Variants in MYRIP observed in about 807,000 individuals in gnomAD.
MYRIP encodes rab effector MyRIP.
MYRIP carries 49 observed loss-of-function variants against 98.0 expected under a neutral mutation model. That is an observed-to-expected ratio of 0.50 (90% CI 0.40 to 0.63). The LOEUF (loss-of-function observed/expected upper bound fraction) is 0.63, where lower values mean the gene tolerates loss of function less well. Ranked by LOEUF, MYRIP falls within the 30% of genes least tolerant of loss-of-function variation. MYRIP has a pLI of 0.00. For synonymous variants in MYRIP, 404 were observed against 409.5 expected (o/e 0.99, Z 0.16); for missense variants, 1,004 against 1,058.2 (o/e 0.95, Z 0.71).
chr3:39,851,157 T>G (rs1026638488), intron 1 of MYRIP, among the ~76,000 whole-genome samples: 1 of 152,104 alleles, frequency 6.6e-6, no homozygotes, highest in Non-Finnish European at 1.5e-5. Context: ...GCCAGAAAAA[T>G]GAATCAAGAT....
chr3:39,846,845 C>G (rs77594060), intron 1 of MYRIP, among the ~76,000 whole-genome samples: 3,350 of 152,152 alleles, frequency 0.022, 110 homozygotes, highest in African/African-American at 0.076. Flanking sequence ...AGCTTGAGAC[C>G]CAGGAGAGCT....
intron 2 of MYRIP, among the ~76,000 whole-genome samples, chr3:39,961,199 T>C (rs1001953948): frequency 2.6e-5 from 4 of 152,046 alleles, no homozygotes; most frequent in Non-Finnish European, 4.4e-5. Flanking sequence ...ACACATGTTG[T>C]TTTTCAGGCA....
intron 3 of MYRIP, among the ~76,000 whole-genome samples, chr3:40,146,695 G>A (rs555025386): frequency 1.8e-4 from 28 of 152,242 alleles, no homozygotes; most frequent in African/African-American, 6.7e-4. Context: ...CTGTGTGCCT[G>A]CATGAATACA....
At chr3:40,078,197 G>A (rs565837850) in intron 3 of MYRIP, among the ~76,000 whole-genome samples, 3 of 152,346 alleles carry the variant, frequency 2.0e-5, no homozygotes, top group Non-Finnish European at 2.9e-5. Context: ...GCCCAGGGCC[G>A]GCAGGGCCAG....
At chr3:40,143,287 G>A (rs1402661160) in intron 3 of MYRIP, among the ~76,000 whole-genome samples, 1 of 152,202 alleles carries the variant, frequency 6.6e-6, no homozygotes, top group Non-Finnish European at 1.5e-5. Flanking sequence ...TCAGCAGGAT[G>A]CCGACACAAA....
At chr3:39,916,347 T>C (rs1944159289) in intron 2 of MYRIP, among the ~76,000 whole-genome samples, 1 of 151,856 alleles carries the variant, frequency 6.6e-6, no homozygotes, top group African/African-American at 2.4e-5. Context: ...TTATGGACAA[T>C]TTTATCTGAT....
At chr3:39,866,544 C>A (rs1026540311) in intron 1 of MYRIP, among the ~76,000 whole-genome samples, 1 of 151,976 alleles carries the variant, frequency 6.6e-6, no homozygotes, top group South Asian at 2.1e-4. Flanking sequence ...GATCTCAGCT[C>A]ACCGCAACCT....
chr3:39,892,644 G>A (rs1038690002), intron 1 of MYRIP, among the ~76,000 whole-genome samples: 104 of 152,116 alleles, frequency 6.8e-4, no homozygotes, highest in African/African-American at 2.4e-3. Flanking sequence ...TCTGAAAGTT[G>A]AATAATCAAA....
intron 3 of MYRIP, among the ~76,000 whole-genome samples, chr3:40,079,181 C>T (rs1948420746): frequency 1.3e-5 from 2 of 152,184 alleles, no homozygotes; most frequent in Admixed American, 1.3e-4. Context: ...GTTCGAAGAT[C>T]ACACGATTTA....
At chr3:40,201,395 G>T (rs1213604271) in intron 10 of MYRIP, among the ~76,000 whole-genome samples, 1 of 147,030 alleles carries the variant, frequency 6.8e-6, no homozygotes, top group Non-Finnish European at 1.5e-5. Context: ...ATGTGCTCCA[G>T]GTTAGATTCA....
intron 2 of MYRIP, among the ~76,000 whole-genome samples, chr3:39,924,233 AG>A (rs1944364797): frequency 6.6e-6 from 1 of 152,134 alleles, no homozygotes; most frequent in South Asian, 2.1e-4. Context: ...GCTATTTACA[AG>A]AAATTCACCT....
chr3:40,002,353 G>T (rs1946536761), intron 2 of MYRIP, among the ~76,000 whole-genome samples: 1 of 152,086 alleles, frequency 6.6e-6, no homozygotes, highest in Non-Finnish European at 1.5e-5. Flanking sequence ...TGGCCAACAT[G>T]GTGAAACCCC....
intron 1 of MYRIP, among the ~76,000 whole-genome samples, chr3:39,845,695 T>C (rs9872193): frequency 0.038 from 5,794 of 152,132 alleles, 213 homozygotes; most frequent in East Asian, 0.1. Flanking sequence ...TACTAGTAAT[T>C]GACTGGAGGT....
chr3:40,026,509 A>G (rs537040132), intron 2 of MYRIP, among the ~76,000 whole-genome samples: 1 of 152,346 alleles, frequency 6.6e-6, no homozygotes, highest in South Asian at 2.1e-4. Flanking sequence ...AACAGGATTA[A>G]GAAATTAAAG....
chr3:40,178,179 C>A (rs566234807), intron 8 of MYRIP, among the ~76,000 whole-genome samples: 1 of 152,122 alleles, frequency 6.6e-6, no homozygotes, highest in Non-Finnish European at 1.5e-5. Context: ...GCGGTTGGTG[C>A]CACAGGGAGC....
In MYRIP at chr3:40,251,898, T is replaced by C. The variant is rs750232179; in HGVS notation, c.2446T>C (p.Ser816Pro). 5.0e-6 allele frequency: 8 copies of C among 1,611,990 alleles called. No homozygotes were observed. In the African/African-American group the frequency reaches 5.3e-5, roughly 11 times the overall value. ...CCTTTTAGCTGAAAAAATTGAGACATCTTCAGTGACTACCATTAAAACATT... is the reference window on the plus strand; with the variant it reads ...CCTTTTAGCTGAAAAAATTGAGACACCTTCAGTGACTACCATTAAAACATT... ...PPVKAEKIET[S>P]SVTTIKTFNH... Residue 816 changes from serine to proline, a missense_variant, in exon 16 of 17, where the codon TCT (serine) becomes CCT (proline). Ser to Pro is a moderately conservative substitution (Grantham distance 74, BLOSUM62 -1). This residue lies in a region of MYRIP where 108 missense variants were observed against 111.1 expected (regional missense o/e 0.97). Coordinates refer to ENST00000302541, the MANE Select transcript of MYRIP (RefSeq NM_015460.4).
intron 2 of MYRIP, among the ~76,000 whole-genome samples, chr3:39,932,333 A>G (rs1179028179): frequency 6.6e-6 from 1 of 151,742 alleles, no homozygotes; most frequent in Non-Finnish European, 1.5e-5. Context: ...GAAACTGCTC[A>G]CTCTATCAGT....
At chr3:39,857,428 C>T (rs537108607) in intron 1 of MYRIP, among the ~76,000 whole-genome samples, 19 of 152,124 alleles carry the variant, frequency 1.2e-4, no homozygotes, top group Non-Finnish European at 2.6e-4. Flanking sequence ...TTTTAAAATT[C>T]TAGAGCTGAA....
chr3:39,912,805 T>G (rs1944053976), intron 2 of MYRIP, among the ~76,000 whole-genome samples: 1 of 152,202 alleles, frequency 6.6e-6, no homozygotes, highest in African/African-American at 2.4e-5. Flanking sequence ...TTTGAGAGGC[T>G]GAGGCAGGCA....
Sources: allele counts gnomAD v4.1 joint callset (sites outside exome capture counted in the v4.1 genomes callset), GRCh38; gene constraint gnomAD v4.1.1; regional missense constraint gnomAD v4.1.1; transcripts MANE v1.5; gene names NCBI Gene and HGNC (gene_info 2026-07-23, HGNC 2026-07-21).